TRIM23: variants seen among roughly 807,000 people sequenced by gnomAD.
TRIM23 encodes E3 ubiquitin-protein ligase TRIM23.
Under a neutral mutation model 71.0 loss-of-function variants are expected in TRIM23, and 27 were observed. The ratio of observed to expected loss-of-function variants is 0.38; its 90% CI spans 0.28 to 0.52. TRIM23 has a LOEUF of 0.52. Among genes scored for constraint, TRIM23 ranks in the 20% least tolerant of loss-of-function variants. TRIM23 has a pLI of 0.84. For synonymous variants in TRIM23, 234 were observed against 238.0 expected, an observed-to-expected ratio of 0.98 and a Z score of 0.16; for missense variants, 482 against 692.3, an observed-to-expected ratio of 0.70 and a Z score of 3.41.
At chr5:65,599,095 G>T (rs1220120443) in intron 7 of TRIM23, among the ~76,000 whole-genome samples, 1 of 151,846 alleles carries the variant, frequency 6.6e-6, no homozygotes, top group South Asian at 2.1e-4. Context: ...AATAATAAAA[G>T]ACATCCAAAT....
chr5:65,624,100 C>G, intron 1 of TRIM23, 94 bp downstream of exon 1: 1 of 1,479,424 alleles, frequency 6.8e-7, no homozygotes, highest in South Asian at 1.2e-5. Context: ...CGCATCCCAC[C>G]TATCGAAGCC....
At chr5:65,609,514 G>T in intron 5 of TRIM23, 56 bp from the exon 6 acceptor site, 1 of 1,517,894 alleles carries the variant, frequency 6.6e-7, no homozygotes, top group Non-Finnish European at 8.9e-7. Flanking sequence ...GATTTTACCT[G>T]TGAAATATTT....
In TRIM23 at chr5:65,601,488, A is replaced by G. The variant is rs6884563; in HGVS notation, c.1179+3423T>C. On this transcript the variant is annotated intron_variant, in intron 7 of 10. Coordinates refer to ENST00000231524, the MANE Select transcript of TRIM23 (RefSeq NM_001656.4). ...CGGAAACCCCTGATAAACCCATCAG[A>G]TCTCGTGAGACTTAATCACTATCAC... is the stretch of plus-strand genomic sequence containing the variant. Among the ~76,000 whole-genome samples the G allele has an allele frequency of 5.9e-3, 898 of 152,252 alleles. 4 individuals carry two copies. Among genetic ancestry groups the G allele is most frequent in the African/African-American group, 0.021 (856 of 41,536 alleles).
At chr5:65,610,475 C>T (rs751091970) in intron 5 of TRIM23, among the ~76,000 whole-genome samples, 1 of 152,216 alleles carries the variant, frequency 6.6e-6, no homozygotes, top group Non-Finnish European at 1.5e-5. Context: ...ACAATATGTA[C>T]AATCCTCACT....
At chr5:65,600,623 A>G (rs1164761303) in intron 7 of TRIM23, among the ~76,000 whole-genome samples, 1 of 53,992 alleles carries the variant, frequency 1.9e-5, no homozygotes, top group South Asian at 4.0e-4. Context: ...AAAGCACAGT[A>G]AAAAAAAAAA....
chr5:65,591,579 T>G lies in TRIM23; in HGVS notation c.*190A>C. On this transcript the variant is annotated 3_prime_UTR_variant, in exon 11 of 11. Transcript: ENST00000231524. ...TTTAATTCAATCTAATCTGCTCAAT[T>G]AGAAATTTAATTCTGCCACAAAATT... is the stretch of plus-strand genomic sequence containing the variant. 7.5e-7 allele frequency: 1 copy of G among 1,325,580 alleles called. No homozygotes were observed. 82.1% of individuals were successfully genotyped at this position (1,325,580 alleles called of 1,614,324 possible).
intron 1 of TRIM23, 106 bp downstream of exon 1, chr5:65,624,088 C>T: frequency 7.4e-7 from 1 of 1,357,462 alleles, no homozygotes; most frequent in Non-Finnish European, 1.0e-6. Context: ...GCCCAGAGGC[C>T]GCGCATCCCA....
In TRIM23 at chr5:65,590,848, T is replaced by C; in HGVS notation, c.*921A>G. 1.0e-6 allele frequency: 1 copy of C among 985,470 alleles called. No homozygotes were observed. The highest frequency in any genetic ancestry group is 1.2e-6 in the Non-Finnish European group (1 of 829,964). 61.0% of individuals were successfully genotyped at this position (985,470 alleles called of 1,614,324 possible). On this transcript the variant is annotated 3_prime_UTR_variant, in exon 11 of 11. Transcript: ENST00000231524. ...CTTACAACTTCTCTTGAAGTTCGCTTTCTATTTAGGTCACTAGCTTTTAAA... is the reference window on the plus strand; with the variant it reads ...CTTACAACTTCTCTTGAAGTTCGCTCTCTATTTAGGTCACTAGCTTTTAAA...
chr5:65,597,960 C>A (rs1005026869), intron 7 of TRIM23, among the ~76,000 whole-genome samples: 1 of 152,150 alleles, frequency 6.6e-6, no homozygotes, highest in African/African-American at 2.4e-5. Context: ...AAAGTCCTTA[C>A]AACAGTTCCC....
Position 65,624,251 on chromosome 5 carries a change from C to G in TRIM23, c.24G>C (p.Lys8Asn). Reference protein sequence around the residue: MATLVVNKLGAGVDSGRQ... With the variant: MATLVVNNLGAGVDSGRQ... The stretch of plus-strand genomic sequence containing the variant: ...GGCCACTGTCTACTCCCGCTCCGAG[C>G]TTGTTTACAACCAGGGTAGCCATCC... Residue 8 changes from lysine (K) to asparagine (N), a missense_variant, in exon 1 of 11, where the codon AAG becomes AAC. By Grantham distance (94) the Lys-to-Asn change is moderately conservative. This residue lies in a region of TRIM23 where 175 missense variants were observed against 196.5 expected (regional missense o/e 0.89). Transcript: ENST00000231524. 3 of 1,614,208 alleles carry G rather than the reference C, an allele frequency of 1.9e-6. No individual in the cohort carries two copies. Among genetic ancestry groups the G allele is most frequent in the Non-Finnish European group, 2.5e-6 (3 of 1,180,038 alleles).
Position 65,590,464 on chromosome 5 carries a change from T to C in TRIM23, c.*1305A>G. On this transcript the variant is annotated 3_prime_UTR_variant, in exon 11 of 11. Coordinates refer to ENST00000231524, the MANE Select transcript of TRIM23 (RefSeq NM_001656.4). The stretch of plus-strand genomic sequence containing the variant: ...ACAACAGTGCTACCAAAAAGTCACA[T>C]CTTGTTACCAGACATCACTGTCCTT... 1 of 1,278,590 alleles carries C rather than the reference T, an allele frequency of 7.8e-7. No individual in the cohort carries two copies. Among genetic ancestry groups the C allele is most frequent in the Non-Finnish European group, 1.0e-6 (1 of 1,003,024 alleles). 79.2% of individuals were successfully genotyped at this position (1,278,590 alleles called of 1,614,324 possible). A position where few individuals can be genotyped will look rare whatever the true frequency, so the allele number is the denominator to read the frequency against.
intron 7 of TRIM23, among the ~76,000 whole-genome samples, chr5:65,597,558 G>A (rs1754242185): frequency 6.6e-6 from 1 of 152,104 alleles, no homozygotes; most frequent in Admixed American, 6.6e-5. Flanking sequence ...TGAATCTGAT[G>A]TATATCCCTC....
At chr5:65,611,179 T>C in intron 4 of TRIM23, 136 bp from the exon 5 acceptor site, 1 of 762,382 alleles carries the variant, frequency 1.3e-6, no homozygotes, top group Non-Finnish European at 2.0e-6. Flanking sequence ...ACTAATTTAC[T>C]TTCACTCCTT....
chr5:65,623,340 G>A (rs1486413722), intron 1 of TRIM23, among the ~76,000 whole-genome samples: 1 of 152,134 alleles, frequency 6.6e-6, no homozygotes, highest in East Asian at 1.9e-4. Context: ...AAACTCCTCA[G>A]TGATCCTAAT....
rs1462276283 is a variant in TRIM23 at position 65,591,868 on chromosome 5, A to G, written c.1626T>C (p.Tyr542=). The G allele has an allele frequency of 1.2e-6, 2 of 1,613,906 alleles. No individual in the cohort carries two copies. The highest frequency in any genetic ancestry group is 1.7e-6 in the Non-Finnish European group (2 of 1,179,956). ...CACTTCGAGCATCACAGCCCTGAAT[A>G]TACCAGCTACGGCCACAGCATAATT... is the stretch of plus-strand genomic sequence containing the variant. ...LHKLCCGRSW[Y]IQGCDARSGM... is the part of the protein sequence containing the mutation. The change falls in exon 11 of 11, where the codon TAT becomes TAC. Residue 542 remains tyrosine, a synonymous_variant. Coordinates refer to ENST00000231524, the MANE Select transcript of TRIM23 (RefSeq NM_001656.4).
chr5:65,605,564 T>C (rs773674747), intron 6 of TRIM23, among the ~76,000 whole-genome samples: 5 of 152,318 alleles, frequency 3.3e-5, no homozygotes, highest in Non-Finnish European at 4.4e-5. Flanking sequence ...TGAATACTTA[T>C]GCATACATTT....
At chr5:65,594,348 T>C (rs1754133151) in intron 10 of TRIM23, among the ~76,000 whole-genome samples, 173 bp downstream of exon 10, 1 of 152,224 alleles carries the variant, frequency 6.6e-6, no homozygotes, top group African/African-American at 2.4e-5. Flanking sequence ...ACCTTATTTC[T>C]ATTTTGTATA....
At chr5:65,609,495 G>A in intron 5 of TRIM23, 37 bp from the exon 6 acceptor site, 2 of 1,571,862 alleles carry the variant, frequency 1.3e-6, no homozygotes, top group Non-Finnish European at 1.7e-6. Flanking sequence ...CAACTGTAAT[G>A]TTAATAAAGA....
chr5:65,597,294 T>C, intron 7 of TRIM23, 114 bp from the exon 8 acceptor site: 2 of 1,096,424 alleles, frequency 1.8e-6, no homozygotes, highest in East Asian at 5.2e-5. Flanking sequence ...CAATCTGAAT[T>C]GTATTCCTCA....
Sources: allele counts gnomAD v4.1 joint callset (sites outside exome capture counted in the v4.1 genomes callset), GRCh38; gene constraint gnomAD v4.1.1; regional missense constraint gnomAD v4.1.1; transcripts MANE v1.5; gene names NCBI Gene and HGNC (gene_info 2026-07-23, HGNC 2026-07-21).